The following TGM3 variants were observed in gnomAD, a reference collection of about 807,000 sequenced individuals.
TGM3 encodes the protein protein-glutamine gamma-glutamyltransferase E.
In TGM3, 52 loss-of-function variants were observed where a neutral mutation model predicts 73.8. That is an observed-to-expected ratio of 0.70 (90% confidence interval 0.56 to 0.89). The LOEUF (loss-of-function observed/expected upper bound fraction) is 0.89. Among genes scored for constraint, TGM3 ranks in the 40% least tolerant of loss-of-function variants. The pLI is 0.00. For synonymous variants in TGM3, 372 were observed against 354.9 expected, an observed-to-expected ratio of 1.05 and a Z score of -0.54; for missense variants, 928 against 909.9, an observed-to-expected ratio of 1.02 and a Z score of -0.26.
chr20:2,340,655 G>A lies in TGM3; in HGVS notation c.*74G>A, dbSNP rs900458756. ...GAGCTCACCATGGAATGAACCCCCC[G>A]CCCATGCTGTCCGGCCTGGGAAACC... is the stretch of plus-strand genomic sequence containing the variant. On this transcript the variant is annotated 3_prime_UTR_variant, in exon 13 of 13. Transcript: ENST00000381458. 5.3e-5 allele frequency: 84 copies of A among 1,591,998 alleles called. No homozygotes were observed. Among genetic ancestry groups the A allele is most frequent in the South Asian group, 6.7e-5 (6 of 89,536 alleles).
intron 10 of TGM3, 82 bp from the exon 11 acceptor site, chr20:2,335,034 C>A: frequency 6.5e-7 from 1 of 1,546,864 alleles, no homozygotes; most frequent in Non-Finnish European, 8.8e-7. Context: ...CTCACCCTGC[C>A]TTGGCTTGGC....
rs1339219426 is a variant in TGM3, at chr20:2,335,188, T to C, written c.1715T>C (p.Ile572Thr). 6.2e-7 allele frequency: 1 copy of C among 1,614,212 alleles called. No individual in the cohort carries two copies. Among genetic ancestry groups the C allele is most frequent in the East Asian group, 2.2e-5 (1 of 44,878 alleles). The change falls in exon 11 of 13, where the codon ATC becomes ACC. Residue 572 changes from isoleucine to threonine, a missense_variant. Physicochemically the swap from Ile to Thr is moderately conservative, Grantham distance 89 (BLOSUM62 -1). Transcript: ENST00000381458. ...KYLKSDNMIR[I>T]TAVCKVPDES... Reference sequence around the variant, plus strand: ...CTGAAGTCAGACAACATGATCCGGATCACAGCGGTGTGCAAGGTCCCAGAT... The same window carrying C: ...CTGAAGTCAGACAACATGATCCGGACCACAGCGGTGTGCAAGGTCCCAGAT...
chr20:2,304,704 T>C (rs771185139), intron 1 of TGM3, among the ~76,000 whole-genome samples: 14 of 152,184 alleles, frequency 9.2e-5, no homozygotes, highest in Non-Finnish European at 1.6e-4. Flanking sequence ...TTTGTTCTCA[T>C]ACCAAGCGAT....
Position 2,339,833 on chromosome 20 carries a change from G to A in TGM3, c.1801-21G>A, listed in dbSNP as rs189791859. Reference sequence around the variant, plus strand: ...GGCTGAGCAGCTGGAGTCCTGACTCGGCAGCCCCTCTCCCCCATAGGTGCT... The same window carrying A: ...GGCTGAGCAGCTGGAGTCCTGACTCAGCAGCCCCTCTCCCCCATAGGTGCT... On this transcript the variant is annotated intron_variant, in intron 11 of 12. Coordinates refer to ENST00000381458, the MANE Select transcript of TGM3 (RefSeq NM_003245.4). 279 of 1,613,458 alleles carry A rather than the reference G, an allele frequency of 1.7e-4. 3 individuals are homozygous for A. The African/African-American group carries it at 3.0e-3, about 17-fold the overall frequency.
chr20:2,309,321 C>T (rs1460293681), intron 1 of TGM3, among the ~76,000 whole-genome samples: 1 of 152,136 alleles, frequency 6.6e-6, no homozygotes, highest in African/African-American at 2.4e-5. Context: ...CCTTAAGGGC[C>T]GAGTGACAGC....
chr20:2,306,474 T>C (rs1279518692), intron 1 of TGM3, among the ~76,000 whole-genome samples: 2 of 141,062 alleles, frequency 1.4e-5, no homozygotes, highest in South Asian at 2.1e-4. Context: ...TTTCCTTTCT[T>C]TTTTTTTTTT....
intron 1 of TGM3, among the ~76,000 whole-genome samples, chr20:2,304,950 C>A (rs1357045588): frequency 6.6e-6 from 1 of 152,142 alleles, no homozygotes; most frequent in African/African-American, 2.4e-5. Flanking sequence ...TCACAGGACT[C>A]AGGAAAACAG....
chr20:2,339,399 G>A (rs1307887265), intron 11 of TGM3, among the ~76,000 whole-genome samples: 2 of 152,236 alleles, frequency 1.3e-5, no homozygotes, highest in East Asian at 3.8e-4. Context: ...TGCTTTGGGA[G>A]GCCAAGGCAG....
At chr20:2,304,342 A>G (rs1402285329) in intron 1 of TGM3, among the ~76,000 whole-genome samples, 6 of 152,158 alleles carry the variant, frequency 3.9e-5, no homozygotes, top group African/African-American at 1.4e-4. Context: ...ACCACACTGG[A>G]AGCTTGATGA....
chr20:2,331,421 C>A (rs1045302623), intron 9 of TGM3, among the ~76,000 whole-genome samples: 4 of 152,172 alleles, frequency 2.6e-5, no homozygotes, highest in African/African-American at 9.6e-5. Flanking sequence ...AATCTCTGGA[C>A]AATTTCAACT....
chr20:2,324,989 C>A (rs1164903799), intron 7 of TGM3, among the ~76,000 whole-genome samples: 2 of 152,158 alleles, frequency 1.3e-5, no homozygotes, highest in Non-Finnish European at 2.9e-5. Flanking sequence ...CATGTAACTT[C>A]AATATTTTTA....
chr20:2,324,764 C>A (rs911587481), intron 7 of TGM3, among the ~76,000 whole-genome samples: 7 of 152,200 alleles, frequency 4.6e-5, no homozygotes, highest in African/African-American at 1.7e-4. Context: ...ATGTACTTTA[C>A]CCCAACTGTG....
In TGM3 at chr20:2,317,145, C is replaced by T; in HGVS notation, c.747C>T (p.Ser249=). The T allele has an allele frequency of 1.9e-6, 3 of 1,614,058 alleles. No homozygotes were observed. The highest frequency in any genetic ancestry group is 2.5e-6 in the Non-Finnish European group (3 of 1,180,018). ...GTYTGGRDPR[S]WNGSVEILKN... ...ACACCGGTGGCCGGGACCCAAGGAG[C>T]TGGAACGGCAGCGTGGAGATCCTCA... Residue 249 remains serine (S), a synonymous_variant, in exon 6 of 13, where the codon AGC becomes AGT. Coordinates refer to ENST00000381458, the MANE Select transcript of TGM3 (RefSeq NM_003245.4).
chr20:2,340,841 C>T lies in TGM3; in HGVS notation c.*260C>T. ...CCAGAGCTGCCTGCTCTGTGAGCCC[C>T]ACAGCCCTGCTCATTCCTCACGCCC... On this transcript the variant is annotated 3_prime_UTR_variant, in exon 13 of 13. Coordinates refer to ENST00000381458, the MANE Select transcript of TGM3 (RefSeq NM_003245.4). The T allele has an allele frequency of 1.6e-6, 1 of 610,890 alleles. No individual in the cohort carries two copies. Among genetic ancestry groups the T allele is most frequent in the East Asian group, 3.6e-5 (1 of 27,752 alleles). The allele number at this position is 610,890 out of a possible 1,614,324, so 37.8% of individuals were successfully genotyped here.
In TGM3 at chr20:2,339,881, C is replaced by T. The variant is rs370304381; in HGVS notation, c.1828C>T (p.Pro610Ser). The change falls in exon 12 of 13, where the codon CCT (proline) becomes TCT (serine). Residue 610 changes from proline (P) to serine (S), a missense_variant. By Grantham distance (74) the Pro-to-Ser change is moderately conservative (BLOSUM62 -1). Coordinates refer to ENST00000381458, the MANE Select transcript of TGM3 (RefSeq NM_003245.4). Reference sequence around the variant, plus strand: ...GCTGAACGAGGCTCGTGTGCGGAAGCCTGTGAACGTGCAGATGCTCTTCTC... The same window carrying T: ...GCTGAACGAGGCTCGTGTGCGGAAGTCTGTGAACGTGCAGATGCTCTTCTC... Reference protein sequence around the residue: ...EVLNEARVRKPVNVQMLFSNP... With the variant: ...EVLNEARVRKSVNVQMLFSNP... 30 of 1,613,986 alleles carry T rather than the reference C, an allele frequency of 1.9e-5. No homozygotes were observed. Among genetic ancestry groups the T allele is most frequent in the Non-Finnish European group, 1.4e-5 (16 of 1,180,016 alleles).
chr20:2,309,634 A>C, intron 1 of TGM3, 23 bp from the exon 2 acceptor site: 4 of 1,612,156 alleles, frequency 2.5e-6, no homozygotes, highest in Non-Finnish European at 3.4e-6. Flanking sequence ...CTAGGACTTC[A>C]GGTTCTCCTT....
intron 11 of TGM3, among the ~76,000 whole-genome samples, chr20:2,338,456 A>G (rs2084363096): frequency 6.6e-6 from 1 of 152,198 alleles, no homozygotes; most frequent in African/African-American, 2.4e-5. Flanking sequence ...ATTATGCTGC[A>G]CTCTTCAAAT....
chr20:2,316,956 G>T, intron 5 of TGM3, 112 bp from the exon 6 acceptor site: 1 of 1,247,536 alleles, frequency 8.0e-7, no homozygotes, highest in Middle Eastern at 2.8e-4. Context: ...GTTCAATCAT[G>T]GCCTTTGGCT....
chr20:2,323,870 A>G (rs963313166), intron 7 of TGM3, among the ~76,000 whole-genome samples: 1 of 152,218 alleles, frequency 6.6e-6, no homozygotes. Flanking sequence ...TATTTCTTAT[A>G]AAAATTGCCT....
Sources: allele counts gnomAD v4.1 joint callset (sites outside exome capture counted in the v4.1 genomes callset), GRCh38; gene constraint gnomAD v4.1.1; transcripts MANE v1.5; gene names NCBI Gene and HGNC (gene_info 2026-07-23, HGNC 2026-07-21).